The following DNAH9 variants were observed in gnomAD, a reference collection of about 807,000 sequenced individuals.
DNAH9 encodes dynein axonemal heavy chain 9.
Under a neutral mutation model 471.6 loss-of-function variants are expected in DNAH9, and 345 were observed. The observed-to-expected ratio is 0.73, with a 90% CI of 0.67 to 0.80. The LOEUF (loss-of-function observed/expected upper bound fraction) is 0.80. Ranked by LOEUF, DNAH9 falls within the 30% of genes least tolerant of loss-of-function variation. The probability of loss-of-function intolerance (pLI) is 0.00; values close to 1 mark genes in which losing one functional copy is unlikely to be tolerated. For synonymous variants in DNAH9, 2,093 were observed against 2,123.6 expected (o/e 0.99, Z 0.40); for missense variants, 5,407 against 5,609.2 (o/e 0.96, Z 1.15).
chr17:11,826,364 G>GGA (rs879450476), intron 48 of DNAH9, among the ~76,000 whole-genome samples: 1 of 151,212 alleles, frequency 6.6e-6, no homozygotes, highest in Non-Finnish European at 1.5e-5. Context: ...AAGCTGGGGG[G>GGA]GTAATTTTAG....
chr17:11,683,961 G>A (rs1275420721), intron 19 of DNAH9, among the ~76,000 whole-genome samples: 1 of 152,160 alleles, frequency 6.6e-6, no homozygotes, highest in African/African-American at 2.4e-5. Context: ...TTCTTTCTTA[G>A]TTTGGTGTGT....
intron 59 of DNAH9, among the ~76,000 whole-genome samples, chr17:11,896,285 A>C (rs1973215810): frequency 6.6e-6 from 1 of 151,946 alleles, no homozygotes; most frequent in African/African-American, 2.4e-5. Flanking sequence ...GGAGGGACAC[A>C]GTTCACTCCA....
chr17:11,953,722 A>C (rs1975498022), intron 67 of DNAH9, among the ~76,000 whole-genome samples: 1 of 145,716 alleles, frequency 6.9e-6, no homozygotes, highest in Non-Finnish European at 1.5e-5. Flanking sequence ...TCGCCACTGC[A>C]CTCCAGCCTG....
chr17:11,817,863 G>A (rs997948589), intron 45 of DNAH9, among the ~76,000 whole-genome samples: 1 of 151,928 alleles, frequency 6.6e-6, no homozygotes, highest in Non-Finnish European at 1.5e-5. Context: ...AACAGTAAAT[G>A]ATCACTTTCA....
At chr17:11,778,124 G>C (rs1035847963) in intron 38 of DNAH9, among the ~76,000 whole-genome samples, 2 of 151,814 alleles carry the variant, frequency 1.3e-5, no homozygotes, top group Non-Finnish European at 2.9e-5. Flanking sequence ...GGAGCAAACT[G>C]TGCTGGCATT....
At chr17:11,625,595 G>A (rs529577449) in intron 6 of DNAH9, among the ~76,000 whole-genome samples, 4 of 152,316 alleles carry the variant, frequency 2.6e-5, no homozygotes, top group Admixed American at 6.5e-5. Flanking sequence ...GATGGGCAGC[G>A]TGGCCTCTCC....
At chr17:11,645,879 C>CTTTTTTTTT (rs760279719) in intron 11 of DNAH9, among the ~76,000 whole-genome samples, 1 of 70,616 alleles carries the variant, frequency 1.4e-5, no homozygotes, top group African/African-American at 3.9e-5. Context: ...TTTTCTTTTT[C>CTTTTTTTTT]TTTTTTTTTT....
chr17:11,864,233 A>G (rs1238546293), intron 50 of DNAH9, among the ~76,000 whole-genome samples: 3 of 146,844 alleles, frequency 2.0e-5, no homozygotes, highest in Non-Finnish European at 3.0e-5. Flanking sequence ...CTTTATTCTC[A>G]TTGGTTTCAA....
At chr17:11,843,890 T>TATATATATATAC (rs1389217941) in intron 49 of DNAH9, among the ~76,000 whole-genome samples, 139 of 127,152 alleles carry the variant, frequency 1.1e-3, no homozygotes, top group South Asian at 2.2e-3. Context: ...TATATATATA[T>TATATATATATAC]ACACATAGAG....
chr17:11,615,109 C>T (rs1271864614), intron 4 of DNAH9, among the ~76,000 whole-genome samples: 1 of 152,024 alleles, frequency 6.6e-6, no homozygotes, highest in Non-Finnish European at 1.5e-5. Flanking sequence ...CAGCACTCAG[C>T]GAAGTCAAAT....
rs775250159 is a variant in DNAH9, at chr17:11,880,158, T to C, written c.10559T>C (p.Val3520Ala). 1.1e-5 allele frequency: 17 copies of C among 1,613,828 alleles called. No individual in the cohort carries two copies. In the South Asian group the frequency reaches 1.6e-4, roughly 16 times the overall value. Residue 3520 changes from valine (V) to alanine (A), a missense_variant, in exon 54 of 69, where the codon GTT (valine) becomes GCT (alanine). Around this residue, in one of 3 missense-constraint regions of DNAH9, gnomAD observed 4,636 missense variants for 4,900.3 expected, o/e 0.95. Coordinates refer to ENST00000262442, the MANE Select transcript of DNAH9 (RefSeq NM_001372.4). Reference sequence around the variant, plus strand: ...AATCTAGAGGAGTCCATTGATCCTGTTCTGGGACCCCTGCTTGGGAGAGAA... The same window carrying C: ...AATCTAGAGGAGTCCATTGATCCTGCTCTGGGACCCCTGCTTGGGAGAGAA... ...IENLEESIDP[V>A]LGPLLGREVI...
chr17:11,617,351 C>A, intron 4 of DNAH9, 60 bp from the exon 5 acceptor site: 2 of 1,221,588 alleles, frequency 1.6e-6, no homozygotes, highest in South Asian at 1.3e-5. Context: ...GGGACTAGGG[C>A]TCCACCAGGT....
rs188646966 is a variant in DNAH9, at chr17:11,644,392, G to T, written c.1902-239G>T. Among the ~76,000 whole-genome samples the T allele has an allele frequency of 4.5e-3, 678 of 152,250 alleles. 5 individuals carry two copies. Among genetic ancestry groups the T allele is most frequent in the African/African-American group, 0.015 (631 of 41,546 alleles). On this transcript the variant is annotated intron_variant, in intron 10 of 68. Transcript: ENST00000262442. ...GCTAGGTGAGGGTGCTGGTGGAGCT[G>T]CGGGCAGGAAAGGTTATGAGAGCTC...
At chr17:11,924,288 G>T (rs1974238804) in intron 62 of DNAH9, among the ~76,000 whole-genome samples, 2 of 152,178 alleles carry the variant, frequency 1.3e-5, no homozygotes, top group Non-Finnish European at 2.9e-5. Flanking sequence ...GTTTCTTCCT[G>T]TGAATTTCAT....
chr17:11,698,177 T>TAACTATATTAATAATATATTA (rs1365873498), intron 22 of DNAH9, among the ~76,000 whole-genome samples: 1 of 115,230 alleles, frequency 8.7e-6, no homozygotes. Flanking sequence ...TATATTAATA[T>TAACTATATTAATAATATATTA]ATTATTATAT....
chr17:11,781,576 G>A (rs1001061697), intron 39 of DNAH9, among the ~76,000 whole-genome samples: 2 of 152,170 alleles, frequency 1.3e-5, no homozygotes, highest in African/African-American at 4.8e-5. Context: ...GCTCATGCCT[G>A]TAATCCCAGC....
chr17:11,827,547 A>G (rs1970539447), intron 48 of DNAH9, among the ~76,000 whole-genome samples: 1 of 152,206 alleles, frequency 6.6e-6, no homozygotes, highest in South Asian at 2.1e-4. Context: ...GCCATTCATG[A>G]GACATATACC....
In DNAH9 at chr17:11,834,627, C is replaced by T; in HGVS notation, c.9247-11C>T. ...ACAACTCCTGATAAGTCCCGTGCTTCTCCAATGCAGGTGGATGATCTGAAA... is the reference window on the plus strand; with the variant it reads ...ACAACTCCTGATAAGTCCCGTGCTTTTCCAATGCAGGTGGATGATCTGAAA... On this transcript the variant is annotated splice_polypyrimidine_tract_variant and intron_variant, in intron 48 of 68. Transcript: ENST00000262442. The T allele has an allele frequency of 6.2e-7, 1 of 1,613,750 alleles. No homozygotes were observed. Among genetic ancestry groups the T allele is most frequent in the Non-Finnish European group, 8.5e-7 (1 of 1,179,936 alleles).
At chr17:11,905,603 G>A (rs1973568255) in intron 60 of DNAH9, 58 bp from the exon 61 acceptor site, 2 of 1,559,050 alleles carry the variant, frequency 1.3e-6, no homozygotes, top group African/African-American at 1.4e-5. Context: ...TTTCTCAAAT[G>A]TTACCATTTT....
Sources: gnomAD v4.1 joint callset for allele counts (sites outside exome capture counted in the v4.1 genomes callset) on GRCh38, gnomAD v4.1.1 for gene constraint, gnomAD v4.1.1 regional missense constraint, MANE v1.5 for transcripts, NCBI Gene and HGNC (gene_info 2026-07-23, HGNC 2026-07-21) for gene names.